Variants in EPRS1 observed in about 807,000 individuals in gnomAD.
EPRS1 encodes the protein glutamyl-prolyl-tRNA synthetase 1.
In EPRS1, 107 loss-of-function variants were observed where a neutral mutation model predicts 188.3. That is an observed-to-expected ratio of 0.57 (90% CI 0.49 to 0.67). The LOEUF (loss-of-function observed/expected upper bound fraction) is 0.67. Among genes scored for constraint, EPRS1 ranks in the 30% least tolerant of loss-of-function variants. The pLI, the probability that EPRS1 is intolerant of heterozygous loss-of-function variation, is 0.00. For synonymous variants in EPRS1, 596 were observed against 593.1 expected, an observed-to-expected ratio of 1.00 and a Z score of -0.07; for missense variants, 1,577 against 1,802.2, an observed-to-expected ratio of 0.88 and a Z score of 2.26.
intron 22 of EPRS1, 131 bp from the exon 23 acceptor site, chr1:219,982,975 G>A (rs1300721704): frequency 7.2e-6 from 6 of 836,228 alleles, no homozygotes; most frequent in Non-Finnish European, 7.8e-6. Flanking sequence ...AGTCGCTGCT[G>A]TTCACTGTGA....
chr1:220,003,017 T>G (rs551270175), intron 16 of EPRS1, among the ~76,000 whole-genome samples: 137 of 152,364 alleles, frequency 9.0e-4, no homozygotes, highest in African/African-American at 3.2e-3. Flanking sequence ...ATGGATCAAA[T>G]GGTAACTCCG....
intron 17 of EPRS1, among the ~76,000 whole-genome samples, chr1:220,000,029 T>C (rs924394035): frequency 3.3e-5 from 5 of 152,182 alleles, no homozygotes; most frequent in African/African-American, 1.2e-4. Context: ...TGATGACTGC[T>C]ACCCAGCCAC....
intron 15 of EPRS1, 62 bp downstream of exon 15, chr1:220,006,038 ATAAAAT>A (rs1166319083): frequency 6.7e-6 from 6 of 895,578 alleles, no homozygotes; most frequent in Non-Finnish European, 8.3e-6. Flanking sequence ...TCCGAAATAT[ATAAAAT>A]TAATTTTTTT....
At chr1:219,971,994 G>T in intron 30 of EPRS1, 75 bp downstream of exon 30, 1 of 822,346 alleles carries the variant, frequency 1.2e-6, no homozygotes, top group African/African-American at 1.7e-5. Context: ...TTAATACCAT[G>T]CATAAATTCA....
intron 20 of EPRS1, among the ~76,000 whole-genome samples, chr1:219,984,734 GT>G (rs1660971272): frequency 1.4e-5 from 2 of 145,072 alleles, no homozygotes; most frequent in South Asian, 5.1e-4. Flanking sequence ...CTAAGATAAT[GT>G]TTTTAACCTA....
In EPRS1 at chr1:219,988,841, A is replaced by C. The variant is rs1276909802; in HGVS notation, c.2542-18T>G. ...ATTTTAGCCTAAAATAAAAGAGAGA[A>C]AGAGATATTTATAAAACTTTGGAAA... On this transcript the variant is annotated intron_variant, in intron 18 of 31. Coordinates refer to ENST00000366923, the MANE Select transcript of EPRS1 (RefSeq NM_004446.3). 2.0e-6 allele frequency: 3 copies of C among 1,504,518 alleles called. No homozygotes were observed. The African/African-American group carries it at 4.2e-5, about 21-fold the overall frequency. 93.2% of individuals were successfully genotyped at this position (1,504,518 alleles called of 1,614,324 possible). A position where few individuals can be genotyped will look rare whatever the true frequency, so the allele number is the denominator to read the frequency against.
At chr1:220,001,561 T>G (rs1221082258) in intron 16 of EPRS1, among the ~76,000 whole-genome samples, 2 of 152,046 alleles carry the variant, frequency 1.3e-5, no homozygotes. Flanking sequence ...GGTCTTGAAC[T>G]CCTAACCTCA....
At chr1:219,981,711 T>C (rs1660903678) in intron 23 of EPRS1, among the ~76,000 whole-genome samples, 1 of 152,230 alleles carries the variant, frequency 6.6e-6, no homozygotes, top group Non-Finnish European at 1.5e-5. Context: ...AGATTTTACA[T>C]TCTTCACATA....
rs769440910 is a variant in EPRS1 at position 219,968,874 on chromosome 1, G to C, written c.4471C>G (p.Pro1491Ala). ...IPFKPLCELQPGAKCVCGKNP... is the reference protein window; with the variant it reads ...IPFKPLCELQAGAKCVCGKNP... ...TTGCCACAGACACATTTGGCTCCAG[G>C]CTGCAGTTCACAGAGTGGTTTGAAG... The change falls in exon 32 of 32, where the codon CCT becomes GCT. Residue 1491 changes from proline to alanine, a missense_variant. Physicochemically the swap from Pro to Ala is conservative, Grantham distance 27. Transcript: ENST00000366923. 1 of 1,614,106 alleles carries C rather than the reference G, an allele frequency of 6.2e-7. No homozygotes were observed. Among genetic ancestry groups the C allele is most frequent in the South Asian group, 1.1e-5 (1 of 91,086 alleles).
chr1:219,988,711 G>C lies in EPRS1; in HGVS notation c.2654C>G (p.Ser885Ter). 6.2e-7 allele frequency: 1 copy of C among 1,613,848 alleles called. No homozygotes were observed. The highest frequency in any genetic ancestry group is 8.5e-7 in the Non-Finnish European group (1 of 1,179,776). ...GQPPLSQSSD[S>*]SPTRNSEPAG... The stretch of plus-strand genomic sequence containing the variant: ...AGGTTCAGAATTTCTGGTTGGGCTT[G>C]AATCCGAACTTTGAGATAATGGGGG... The change falls in exon 19 of 32, where the codon TCA becomes TGA. Residue 885 changes from serine to a stop codon, truncating the protein, a stop_gained. Transcript: ENST00000366923. LOFTEE classifies it high-confidence loss of function.
At chr1:219,980,953 G>A in intron 24 of EPRS1, 96 bp from the exon 25 acceptor site, 1 of 755,214 alleles carries the variant, frequency 1.3e-6, no homozygotes, top group Non-Finnish European at 2.3e-6. Context: ...AGGCTGGAGT[G>A]CAGTGGTGCA....
chr1:219,974,746 A>G (rs759991059), intron 28 of EPRS1, among the ~76,000 whole-genome samples: 61 of 152,314 alleles, frequency 4.0e-4, no homozygotes, highest in South Asian at 1.0e-3. Context: ...TTAGTTATTT[A>G]TCCAATGTAT....
At chr1:220,020,302 T>C in intron 9 of EPRS1, 81 bp from the exon 10 acceptor site, 1 of 868,296 alleles carries the variant, frequency 1.2e-6, no homozygotes, top group South Asian at 1.7e-5. Context: ...CAATACTAAT[T>C]TAAAATGTAA....
intron 6 of EPRS1, among the ~76,000 whole-genome samples, chr1:220,027,397 C>A (rs1325261900): frequency 6.7e-6 from 1 of 149,676 alleles, no homozygotes; most frequent in African/African-American, 2.5e-5. Flanking sequence ...CACTGCACTC[C>A]AGCCCGGGCG....
rs1275854000 is a variant in EPRS1 at position 219,979,626 on chromosome 1, G to A, written c.3712-11C>T. On this transcript the variant is annotated splice_polypyrimidine_tract_variant and intron_variant, in intron 26 of 31. Coordinates refer to ENST00000366923, the MANE Select transcript of EPRS1 (RefSeq NM_004446.3). ...ATGTGATGTTCCTCCCTAAAATAGA[G>A]AGAGAAAAATAAGCTTCATTTTTAA... 1 of 1,585,690 alleles carries A rather than the reference G, an allele frequency of 6.3e-7. No individual in the cohort carries two copies. Among genetic ancestry groups the A allele is most frequent in the East Asian group, 2.2e-5 (1 of 44,672 alleles).
chr1:219,983,448 A>C (rs1660938413), intron 21 of EPRS1, 50 bp from the exon 22 acceptor site: 1 of 1,335,712 alleles, frequency 7.5e-7, no homozygotes, highest in African/African-American at 1.5e-5. Flanking sequence ...CCAAAATTCT[A>C]GTATAAGTGG....
intron 30 of EPRS1, 141 bp downstream of exon 30, chr1:219,971,928 T>C: frequency 2.7e-6 from 1 of 368,708 alleles, no homozygotes; most frequent in Non-Finnish European, 5.0e-6. Flanking sequence ...TATTTATACG[T>C]ACATATAAAT....
At chr1:219,982,913 G>A in intron 22 of EPRS1, 69 bp from the exon 23 acceptor site, 1 of 1,349,548 alleles carries the variant, frequency 7.4e-7, no homozygotes, top group Non-Finnish European at 1.1e-6. Flanking sequence ...ACAAATGCAG[G>A]CAAATTTCCT....
At chr1:220,003,523 T>C (rs1033540965) in intron 16 of EPRS1, among the ~76,000 whole-genome samples, 1 of 152,224 alleles carries the variant, frequency 6.6e-6, no homozygotes, top group South Asian at 2.1e-4. Flanking sequence ...AAGAGTTTTA[T>C]AGTTTTTAGC....
Sources: gnomAD v4.1 joint callset for allele counts (sites outside exome capture counted in the v4.1 genomes callset) on GRCh38, gnomAD v4.1.1 for gene constraint, MANE v1.5 for transcripts, NCBI Gene and HGNC (gene_info 2026-07-23, HGNC 2026-07-21) for gene names.